Variants in KCNMB3 observed in about 807,000 individuals in gnomAD.
KCNMB3 encodes the protein potassium calcium-activated channel subfamily M regulatory beta subunit 3, also known as calcium-activated potassium channel subunit beta-3.
KCNMB3 carries 18 observed loss-of-function variants against 11.9 expected under a neutral mutation model. That is an observed-to-expected ratio of 1.51 (90% CI 1.04 to 2.23). The LOEUF is 2.23. Ranked by LOEUF, KCNMB3 falls within the 30% of genes most tolerant of loss-of-function variation. KCNMB3 has a pLI of 0.00. For missense variants in KCNMB3, 247 were observed against 329.4 expected (o/e 0.75, Z 1.94); for synonymous variants, 78 against 119.2 (o/e 0.65, Z 2.25).
chr3:179,248,580 T>C (rs1725722179), intron 1 of KCNMB3, among the ~76,000 whole-genome samples: 1 of 151,792 alleles, frequency 6.6e-6, no homozygotes, highest in African/African-American at 2.4e-5. Flanking sequence ...ATTTAAAAAT[T>C]AGCCAAGTAT....
At chr3:179,244,422 T>G (rs1204389992) in intron 2 of KCNMB3, 73 bp downstream of exon 2, 1 of 1,260,790 alleles carries the variant, frequency 7.9e-7, no homozygotes, top group African/African-American at 1.5e-5. Flanking sequence ...CCCTGGGTTA[T>G]TTATGTACCC....
chr3:179,241,048 G>A (rs1305879356), downstream of KCNMB3: 4 of 152,042 alleles, frequency 2.6e-5, no homozygotes, highest in Admixed American at 1.3e-4. Context: ...CTCAGGTAGG[G>A]GCATGGAAAA....
At chr3:179,260,698 G>T in intron 1 of KCNMB3, 1 of 1,397,058 alleles carries the variant, frequency 7.2e-7, no homozygotes, top group Non-Finnish European at 1.0e-6. Context: ...CATGTTTCTC[G>T]AGCATTTCCT....
chr3:179,251,786 TCA>T (rs991388839), upstream of KCNMB3: 3 of 219,682 alleles, frequency 1.4e-5, no homozygotes, highest in Admixed American at 2.0e-4. Context: ...GGGTACGATC[TCA>T]GTTCACTGCA....
intron 1 of KCNMB3, among the ~76,000 whole-genome samples, chr3:179,261,449 C>A (rs963594160): frequency 6.6e-6 from 1 of 151,836 alleles, no homozygotes; most frequent in Non-Finnish European, 1.5e-5. Flanking sequence ...GAGCGGCTCG[C>A]GGGACTGGGC....
At chr3:179,266,381 A>G (rs906322869) in intron 1 of KCNMB3, among the ~76,000 whole-genome samples, 6 of 152,198 alleles carry the variant, frequency 3.9e-5, no homozygotes, top group Non-Finnish European at 7.3e-5. Flanking sequence ...CTGGGCTATG[A>G]TCAGTGCTGG....
intron 1 of KCNMB3, chr3:179,259,863 C>A (rs369864335): frequency 4.3e-6 from 7 of 1,612,898 alleles, no homozygotes; most frequent in Non-Finnish European, 5.1e-6. Context: ...CTGACCCTTG[C>A]TCTCAGTTCC....
intron 1 of KCNMB3, among the ~76,000 whole-genome samples, chr3:179,265,234 C>T (rs924966337): frequency 1.3e-5 from 2 of 152,162 alleles, no homozygotes; most frequent in Admixed American, 1.3e-4. Flanking sequence ...GTCCTTCTTC[C>T]CTGAACCCCC....
upstream of KCNMB3, among the ~76,000 whole-genome samples, chr3:179,252,514 C>T (rs758221428): frequency 1.3e-4 from 20 of 152,056 alleles, no homozygotes; most frequent in Non-Finnish European, 2.8e-4. Flanking sequence ...GGTTCTAAAG[C>T]GAGTAAAAGG....
chr3:179,257,243 C>A (rs1446089933), intron 1 of KCNMB3, among the ~76,000 whole-genome samples: 1 of 152,176 alleles, frequency 6.6e-6, no homozygotes, highest in Admixed American at 6.5e-5. Context: ...AAGATGGTTC[C>A]ACTTGCAATT....
exon 1 of KCNMB3, chr3:179,266,781 G>A: frequency 6.3e-7 from 1 of 1,589,342 alleles, no homozygotes; most frequent in Non-Finnish European, 8.6e-7. Context: ...GAAAGGTGAA[G>A]CTTAGACATC....
intron 1 of KCNMB3, among the ~76,000 whole-genome samples, chr3:179,262,624 C>G (rs1288399739): frequency 6.6e-6 from 1 of 152,226 alleles, no homozygotes; most frequent in Non-Finnish European, 1.5e-5. Flanking sequence ...CCACCCACAT[C>G]CTGCTGATTG....
At chr3:179,246,084 A>G (rs1259001240) in intron 1 of KCNMB3, among the ~76,000 whole-genome samples, 2 of 152,202 alleles carry the variant, frequency 1.3e-5, no homozygotes, top group Non-Finnish European at 2.9e-5. Context: ...CTTAAACATA[A>G]TAAGTTAGAT....
exon 1 of KCNMB3, chr3:179,266,811 C>G: frequency 1.3e-6 from 2 of 1,504,624 alleles, no homozygotes; most frequent in Non-Finnish European, 1.8e-6. Flanking sequence ...GGAGTCCCAG[C>G]GGGAGCCCCC....
At chr3:179,241,884 G>A (rs1725469689), downstream of KCNMB3, 1 of 154,154 alleles carries the variant, frequency 6.5e-6, no homozygotes, top group Non-Finnish European at 1.5e-5. Context: ...GATCATCTGA[G>A]ATGAATGTTA....
intron 1 of KCNMB3, among the ~76,000 whole-genome samples, chr3:179,264,256 A>T (rs1036574593): frequency 6.6e-6 from 1 of 152,194 alleles, no homozygotes; most frequent in Admixed American, 6.5e-5. Context: ...CATCAATTAG[A>T]TATGCCATAT....
chr3:179,265,011 A>G (rs1468921), intron 1 of KCNMB3, among the ~76,000 whole-genome samples: 62,324 of 152,058 alleles, frequency 0.41, 15,257 homozygotes, highest in African/African-American at 0.69. Context: ...CATTTCAGAA[A>G]TGAAAATGGG....
upstream of KCNMB3, among the ~76,000 whole-genome samples, chr3:179,256,457 T>C (rs1177075796): frequency 6.6e-6 from 1 of 151,768 alleles, no homozygotes; most frequent in Admixed American, 6.6e-5. Flanking sequence ...AAGATATTAA[T>C]TCTACAAAAT....
chr3:179,256,462 C>T (rs7617552), upstream of KCNMB3, among the ~76,000 whole-genome samples: 71,265 of 151,592 alleles, frequency 0.47, 18,580 homozygotes, highest in East Asian at 0.87. Context: ...ATTAATTCTA[C>T]AAAATAATAA....
Sources: allele counts gnomAD v4.1 joint callset (sites outside exome capture counted in the v4.1 genomes callset), GRCh38; gene constraint gnomAD v4.1.1; transcripts MANE v1.5; gene names NCBI Gene and HGNC (gene_info 2026-07-23, HGNC 2026-07-21).